Variants in CYP2C18 observed in about 807,000 individuals in gnomAD.
CYP2C18 encodes cytochrome P450 2C18.
A neutral mutation model predicts 41.3 loss-of-function variants in CYP2C18; 38 were observed. The observed-to-expected ratio is 0.92, with a 90% confidence interval of 0.71 to 1.21. The LOEUF is 1.21. CYP2C18 is among the 50% of genes most tolerant of loss of function. CYP2C18 has a pLI of 0.00. For synonymous variants in CYP2C18, 236 were observed against 210.0 expected (o/e 1.12, Z -1.07); for missense variants, 635 against 591.4 (o/e 1.07, Z -0.77).
At chr10:94,734,346 T>C (rs1847883644) in intron 8 of CYP2C18, among the ~76,000 whole-genome samples, 2 of 152,156 alleles carry the variant, frequency 1.3e-5, no homozygotes, top group Non-Finnish European at 2.9e-5. Context: ...ATCCCTGCTT[T>C]GGATCTGGCA....
chr10:94,705,424 G>A (rs1030504069), intron 4 of CYP2C18, among the ~76,000 whole-genome samples: 2 of 152,134 alleles, frequency 1.3e-5, no homozygotes, highest in African/African-American at 4.8e-5. Context: ...TAATACCTAG[G>A]TGAAGAGTTT....
rs755160423 is a variant in CYP2C18, at chr10:94,694,901, A to G, written c.482-16A>G. On this transcript the variant is annotated splice_polypyrimidine_tract_variant and intron_variant, in intron 3 of 8. Transcript: ENST00000285979. ...GTATATTTTAATGGTAATTTAAAAT[A>G]TTTCCAATCCTTTAGCCTCACCCTG... 1.2e-6 allele frequency: 2 copies of G among 1,606,438 alleles called. No individual in the cohort carries two copies. The highest frequency in any genetic ancestry group is 1.7e-6 in the Non-Finnish European group (2 of 1,177,568).
At chr10:94,690,522 T>G (rs1003541712) in intron 3 of CYP2C18, among the ~76,000 whole-genome samples, 6 of 152,186 alleles carry the variant, frequency 3.9e-5, no homozygotes, top group Non-Finnish European at 7.3e-5. Context: ...TAACAGTCTC[T>G]GAAATTGAGG....
chr10:94,693,872 T>C (rs1465776818), intron 3 of CYP2C18, among the ~76,000 whole-genome samples: 1 of 152,170 alleles, frequency 6.6e-6, no homozygotes, highest in Admixed American at 6.6e-5. Context: ...AATTGCCCTT[T>C]CCTCTTATTG....
chr10:94,700,067 G>C (rs1276125836), intron 4 of CYP2C18, among the ~76,000 whole-genome samples: 1 of 152,146 alleles, frequency 6.6e-6, no homozygotes, highest in East Asian at 1.9e-4. Context: ...GTAATTTATA[G>C]ATTCAATGTC....
chr10:94,693,012 G>T (rs912073064), intron 3 of CYP2C18, among the ~76,000 whole-genome samples: 5 of 151,978 alleles, frequency 3.3e-5, no homozygotes, highest in Non-Finnish European at 7.4e-5. Context: ...AGGGCCTGTT[G>T]TGGGGTGGGG....
chr10:94,732,377 T>C (rs1442203606), intron 7 of CYP2C18, among the ~76,000 whole-genome samples: 1 of 152,104 alleles, frequency 6.6e-6, no homozygotes, highest in African/African-American at 2.4e-5. Flanking sequence ...TTGGTGGGAA[T>C]GTAAATTAGT....
rs148902102 is a variant in CYP2C18 at position 94,701,314 on chromosome 10, T to G, written c.643-5470T>G. Among the ~76,000 whole-genome samples the G allele has an allele frequency of 2.3e-3, 350 of 152,312 alleles. 19 individuals carry two copies. The East Asian group carries it at 0.06, about 26-fold the overall frequency. ...ATAAAAAATGATGAGTTCATGTCCT[T>G]TGTAAGGACATGGATGAAGCTGGAA... On this transcript the variant is annotated intron_variant, in intron 4 of 8. Coordinates refer to ENST00000285979, the MANE Select transcript of CYP2C18 (RefSeq NM_000772.3).
intron 4 of CYP2C18, among the ~76,000 whole-genome samples, chr10:94,703,744 G>T (rs1490329375): frequency 6.6e-6 from 1 of 152,126 alleles, no homozygotes; most frequent in African/African-American, 2.4e-5. Context: ...GGGAGTGAAT[G>T]GTTCTGTCTC....
chr10:94,698,698 T>G (rs1847172332), intron 4 of CYP2C18, among the ~76,000 whole-genome samples: 1 of 152,078 alleles, frequency 6.6e-6, no homozygotes, highest in Middle Eastern at 3.2e-3. Flanking sequence ...AGGAGCTGGT[T>G]TTTTTAAAAG....
intron 5 of CYP2C18, among the ~76,000 whole-genome samples, chr10:94,713,273 C>T (rs890931789): frequency 6.6e-6 from 1 of 151,854 alleles, no homozygotes; most frequent in Non-Finnish European, 1.5e-5. Flanking sequence ...TGTAGGTGTG[C>T]TGCACCCATT....
At chr10:94,701,839 G>A (rs1847251696) in intron 4 of CYP2C18, among the ~76,000 whole-genome samples, 1 of 152,098 alleles carries the variant, frequency 6.6e-6, no homozygotes, top group African/African-American at 2.4e-5. Flanking sequence ...GAAGGAAGAG[G>A]ATAGTTAGGA....
intron 7 of CYP2C18, among the ~76,000 whole-genome samples, chr10:94,730,459 A>T (rs1413504803): frequency 1.3e-5 from 2 of 152,300 alleles, no homozygotes; most frequent in African/African-American, 2.4e-5. Context: ...ATACATCCAG[A>T]ACTCTGTACA....
chr10:94,712,158 ATT>A (rs201742942), intron 5 of CYP2C18, among the ~76,000 whole-genome samples: 3,736 of 142,302 alleles, frequency 0.026, 140 homozygotes, highest in African/African-American at 0.078. Flanking sequence ...TCTTTTTCCA[ATT>A]TTTTTTTTTT....
At position 94,705,092 on chromosome 10, in the gene CYP2C18, G is replaced by T. The variant is rs550785646; in HGVS notation, c.643-1692G>T. 6.6e-5 allele frequency among the ~76,000 whole-genome samples: 10 copies of T among 152,256 alleles called. No individual in the cohort carries two copies. The South Asian group carries it at 2.1e-3, about 32-fold the overall frequency. The stretch of plus-strand genomic sequence containing the variant: ...CTGCGAGCAGGGCTGCCCTTGACAA[G>T]ATCACTGCCAAGCTGATGAGGGAGG... On this transcript the variant is annotated intron_variant, in intron 4 of 8. Transcript: ENST00000285979.
chr10:94,715,078 G>T (rs1485804865), intron 5 of CYP2C18, among the ~76,000 whole-genome samples: 1 of 152,074 alleles, frequency 6.6e-6, no homozygotes, highest in Non-Finnish European at 1.5e-5. Flanking sequence ...GGAGATTTTG[G>T]GCTGAGGCAA....
In CYP2C18 at chr10:94,720,496, G is replaced by A; in HGVS notation, c.920G>A (p.Arg307Lys). 1 of 1,613,428 alleles carries A rather than the reference G, an allele frequency of 6.2e-7. No homozygotes were observed. The highest frequency in any genetic ancestry group is 8.5e-7 in the Non-Finnish European group (1 of 1,179,564). The change falls in exon 6 of 9, where the codon AGA becomes AAA. Residue 307 changes from arginine (R) to lysine (K), a missense_variant. Transcript: ENST00000285979. ...AGTETTSTTL[R>K]YGLLLLLKYP... Reference sequence around the variant, plus strand: ...ACAGAGACAACGAGCACCACTCTGAGATATGGACTCCTGCTCCTGCTGAAG... The same window carrying A: ...ACAGAGACAACGAGCACCACTCTGAAATATGGACTCCTGCTCCTGCTGAAG...
intron 5 of CYP2C18, among the ~76,000 whole-genome samples, chr10:94,716,442 C>T (rs1169129455): frequency 6.6e-6 from 1 of 152,152 alleles, no homozygotes; most frequent in Non-Finnish European, 1.5e-5. Context: ...ATTATGTACC[C>T]AGTAGTCATT....
chr10:94,693,842 T>C (rs1320626957), intron 3 of CYP2C18, among the ~76,000 whole-genome samples: 1 of 152,194 alleles, frequency 6.6e-6, no homozygotes, highest in Non-Finnish European at 1.5e-5. Context: ...GATGATTTGA[T>C]TATAACAATT....
Sources: allele counts gnomAD v4.1 joint callset (sites outside exome capture counted in the v4.1 genomes callset), GRCh38; gene constraint gnomAD v4.1.1; transcripts MANE v1.5; gene names NCBI Gene and HGNC (gene_info 2026-07-23, HGNC 2026-07-21).